Variants in TNNI3K observed in about 807,000 individuals in gnomAD.
TNNI3K encodes TNNI3 interacting kinase.
In TNNI3K, 140 loss-of-function variants were observed where a neutral mutation model predicts 114.5. That is an observed-to-expected ratio of 1.22 (90% CI 1.07 to 1.41). The LOEUF is 1.41. TNNI3K is among the 40% of genes most tolerant of loss of function. The pLI is 0.00. For missense variants in TNNI3K, 1,125 were observed against 1,007.6 expected, an observed-to-expected ratio of 1.12 and a Z score of -1.58; for synonymous variants, 347 against 347.5, an observed-to-expected ratio of 1.00 and a Z score of 0.02.
At chr1:74,255,862 A>C (rs1425457984) in intron 4 of TNNI3K, among the ~76,000 whole-genome samples, 1 of 152,180 alleles carries the variant, frequency 6.6e-6, no homozygotes, top group Non-Finnish European at 1.5e-5. Flanking sequence ...TTTTAAATAA[A>C]TTTATTACAT....
At chr1:74,330,263 G>T (rs1660128226) in intron 5 of TNNI3K, among the ~76,000 whole-genome samples, 1 of 151,914 alleles carries the variant, frequency 6.6e-6, no homozygotes, top group South Asian at 2.1e-4. Flanking sequence ...CCCTCTATTT[G>T]CCTAAAAGAG....
At chr1:74,332,379 C>A (rs1046670379) in intron 6 of TNNI3K, among the ~76,000 whole-genome samples, 2 of 151,794 alleles carry the variant, frequency 1.3e-5, no homozygotes, top group African/African-American at 2.4e-5. Context: ...CGGCTCACTG[C>A]AAGCTCCGCC....
intron 4 of TNNI3K, among the ~76,000 whole-genome samples, chr1:74,258,095 G>A (rs191271585): frequency 9.2e-5 from 14 of 152,196 alleles, no homozygotes; most frequent in Admixed American, 8.5e-4. Flanking sequence ...CTTCATACCA[G>A]CTGACAGGAG....
intron 17 of TNNI3K, among the ~76,000 whole-genome samples, chr1:74,407,234 A>T (rs1664658278): frequency 6.6e-6 from 1 of 152,186 alleles, no homozygotes; most frequent in South Asian, 2.1e-4. Flanking sequence ...TAGGAAGTCT[A>T]CCAGGGGCTT....
chr1:74,462,556 A>G (rs1283400795), intron 20 of TNNI3K, among the ~76,000 whole-genome samples: 1 of 152,236 alleles, frequency 6.6e-6, no homozygotes, highest in African/African-American at 2.4e-5. Flanking sequence ...TTTATAAATT[A>G]AAAACTAGCT....
intron 5 of TNNI3K, among the ~76,000 whole-genome samples, chr1:74,289,780 T>C (rs2100283294): frequency 6.6e-6 from 1 of 152,104 alleles, no homozygotes; most frequent in African/African-American, 2.4e-5. Flanking sequence ...TGTCTAGTCC[T>C]TCTCCAACTT....
chr1:74,361,612 G>T (rs557020415), intron 11 of TNNI3K, among the ~76,000 whole-genome samples: 1 of 152,104 alleles, frequency 6.6e-6, no homozygotes, highest in East Asian at 1.9e-4. Context: ...TTAACTTGAA[G>T]ACACAGGCTG....
In TNNI3K at chr1:74,436,552, A is replaced by G. The variant is rs200308200; in HGVS notation, c.1878+26A>G. ...GTTTGCTGCTGCTTGTGTTTCCTATAATTATAAACCAATTAAAATATGTAA... is the reference window on the plus strand; with the variant it reads ...GTTTGCTGCTGCTTGTGTTTCCTATGATTATAAACCAATTAAAATATGTAA... On this transcript the variant is annotated intron_variant, in intron 19 of 24. Transcript: ENST00000326637. The G allele has an allele frequency of 3.4e-4, 529 of 1,577,892 alleles. 2 individuals are homozygous for G. Among genetic ancestry groups the G allele is most frequent in the Non-Finnish European group, 4.3e-4 (506 of 1,169,846 alleles).
intron 17 of TNNI3K, among the ~76,000 whole-genome samples, chr1:74,420,650 T>C (rs1203167591): frequency 6.6e-6 from 1 of 152,106 alleles, no homozygotes; most frequent in Non-Finnish European, 1.5e-5. Flanking sequence ...GCATTCAAAC[T>C]GCAATGCTTC....
chr1:74,357,217 C>T (rs150508519), intron 11 of TNNI3K, among the ~76,000 whole-genome samples: 4 of 152,272 alleles, frequency 2.6e-5, no homozygotes, highest in African/African-American at 9.6e-5. Flanking sequence ...TAAAACTCTA[C>T]TTGATGTAAG....
chr1:74,307,875 A>T (rs574671614), intron 5 of TNNI3K, among the ~76,000 whole-genome samples: 1 of 152,254 alleles, frequency 6.6e-6, no homozygotes, highest in East Asian at 1.9e-4. Flanking sequence ...AGGCCGGAGA[A>T]TCACTTGAAC....
intron 3 of TNNI3K, among the ~76,000 whole-genome samples, chr1:74,250,373 T>A (rs1385192961): frequency 1.3e-5 from 2 of 152,196 alleles, no homozygotes; most frequent in Non-Finnish European, 2.9e-5. Context: ...TCACTAATAG[T>A]TTATTATGGT....
intron 21 of TNNI3K, among the ~76,000 whole-genome samples, chr1:74,476,567 A>G (rs1668218060): frequency 6.6e-6 from 1 of 152,190 alleles, no homozygotes; most frequent in African/African-American, 2.4e-5. Flanking sequence ...AGGCAGAAAT[A>G]TTTATTAAAT....
intron 5 of TNNI3K, among the ~76,000 whole-genome samples, chr1:74,323,799 G>A (rs1262488840): frequency 6.6e-6 from 1 of 152,116 alleles, no homozygotes; most frequent in Non-Finnish European, 1.5e-5. Flanking sequence ...TGCTTTACAT[G>A]TATTAATTAA....
chr1:74,245,580 T>G (rs1249955544), intron 2 of TNNI3K, among the ~76,000 whole-genome samples: 1 of 152,224 alleles, frequency 6.6e-6, no homozygotes, highest in Non-Finnish European at 1.5e-5. Flanking sequence ...AGCCAAAGTT[T>G]CATATCACTT....
chr1:74,387,254 C>T (rs1428388216), intron 17 of TNNI3K, among the ~76,000 whole-genome samples: 1 of 151,958 alleles, frequency 6.6e-6, no homozygotes, highest in Non-Finnish European at 1.5e-5. Flanking sequence ...GTAAAACCTA[C>T]CATGGTGAGA....
At chr1:74,518,248 G>A (rs150604107) in intron 23 of TNNI3K, among the ~76,000 whole-genome samples, 1 of 152,194 alleles carries the variant, frequency 6.6e-6, no homozygotes, top group South Asian at 2.1e-4. Flanking sequence ...CTGCTTTTCA[G>A]TCTGGATGGC....
At chr1:74,422,081 A>G (rs907951815) in intron 17 of TNNI3K, among the ~76,000 whole-genome samples, 1 of 151,718 alleles carries the variant, frequency 6.6e-6, no homozygotes, top group Non-Finnish European at 1.5e-5. Flanking sequence ...AGATAAATAT[A>G]TACTCACTCA....
chr1:74,470,225 C>T (rs1667855832), intron 21 of TNNI3K: 3 of 400,546 alleles, frequency 7.5e-6, no homozygotes, highest in South Asian at 1.3e-4. Flanking sequence ...ATGGTCTCCT[C>T]GGCAGAGCTT....
Sources: gnomAD v4.1 joint callset for allele counts (sites outside exome capture counted in the v4.1 genomes callset) on GRCh38, gnomAD v4.1.1 for gene constraint, MANE v1.5 for transcripts, NCBI Gene and HGNC (gene_info 2026-07-23, HGNC 2026-07-21) for gene names.